The following LRRTM4 variants were observed in gnomAD, a reference collection of about 807,000 sequenced individuals.
LRRTM4 encodes leucine rich repeat transmembrane neuronal 4.
A neutral mutation model predicts 47.6 loss-of-function variants in LRRTM4; 25 were observed. That is an observed-to-expected ratio of 0.53 (90% confidence interval 0.38 to 0.73). The LOEUF (loss-of-function observed/expected upper bound fraction) is 0.73. Among genes scored for constraint, LRRTM4 ranks in the 30% least tolerant of loss-of-function variants. The pLI, the probability that LRRTM4 is intolerant of heterozygous loss-of-function variation, is 0.00. For synonymous variants in LRRTM4, 311 were observed against 269.5 expected, an observed-to-expected ratio of 1.15 and a Z score of -1.51; for missense variants, 638 against 713.4, an observed-to-expected ratio of 0.89 and a Z score of 1.20.
At chr2:76,943,384 G>A (rs891346682) in intron 3 of LRRTM4, among the ~76,000 whole-genome samples, 8 of 152,162 alleles carry the variant, frequency 5.3e-5, no homozygotes, top group Admixed American at 3.3e-4. Flanking sequence ...TGCAGTGGGC[G>A]GAGATCGCAC....
chr2:76,902,925 C>A (rs1247270401), intron 3 of LRRTM4, among the ~76,000 whole-genome samples: 10 of 152,162 alleles, frequency 6.6e-5, no homozygotes, highest in Non-Finnish European at 7.3e-5. Flanking sequence ...GCTCTATTTC[C>A]AGGGACTCTG....
chr2:77,392,796 C>T (rs1673553701), intron 3 of LRRTM4, among the ~76,000 whole-genome samples: 1 of 151,972 alleles, frequency 6.6e-6, no homozygotes, highest in Admixed American at 6.6e-5. Flanking sequence ...AAGAGAACTA[C>T]TGTATATCAT....
intron 3 of LRRTM4, among the ~76,000 whole-genome samples, chr2:77,485,405 C>G (rs555353409): frequency 6.6e-6 from 1 of 151,986 alleles, no homozygotes; most frequent in Non-Finnish European, 1.5e-5. Flanking sequence ...AAATAATCTA[C>G]ATGTAAAGAA....
At chr2:77,074,707 C>T (rs1680275574) in intron 3 of LRRTM4, among the ~76,000 whole-genome samples, 1 of 151,916 alleles carries the variant, frequency 6.6e-6, no homozygotes, top group Non-Finnish European at 1.5e-5. Flanking sequence ...AAATTAGTCC[C>T]AAAACATTAG....
intron 3 of LRRTM4, among the ~76,000 whole-genome samples, chr2:77,375,160 A>AT (rs1672788086): frequency 1.3e-5 from 2 of 151,594 alleles, no homozygotes; most frequent in South Asian, 4.2e-4. Context: ...AGATTTCTGC[A>AT]TTTTCAAATT....
intron 3 of LRRTM4, among the ~76,000 whole-genome samples, chr2:77,023,138 T>C (rs28896632): frequency 6.6e-6 from 1 of 152,212 alleles, no homozygotes; most frequent in African/African-American, 2.4e-5. Flanking sequence ...CTGCCAGGGC[T>C]TGGGGTTTGC....
chr2:77,051,475 C>G (rs1309751255), intron 3 of LRRTM4, among the ~76,000 whole-genome samples: 1 of 152,122 alleles, frequency 6.6e-6, no homozygotes, highest in African/African-American at 2.4e-5. Context: ...GTTTGACTTT[C>G]AGAAGAAAGC....
At chr2:77,174,626 G>T (rs1673141211) in intron 3 of LRRTM4, among the ~76,000 whole-genome samples, 1 of 152,100 alleles carries the variant, frequency 6.6e-6, no homozygotes, top group Non-Finnish European at 1.5e-5. Flanking sequence ...AATAAGGAGG[G>T]AGGCTGCCTG....
chr2:77,207,372 T>TATATATATATATATATATACACACACAC (rs59335400), intron 3 of LRRTM4, among the ~76,000 whole-genome samples: 1 of 131,100 alleles, frequency 7.6e-6, no homozygotes, highest in Non-Finnish European at 1.5e-5. Context: ...TATATATATA[T>TATATATATATATATATATACACACACAC]ACACACACAC....
intron 3 of LRRTM4, among the ~76,000 whole-genome samples, chr2:77,441,341 T>C (rs1227723774): frequency 6.6e-6 from 1 of 152,220 alleles, no homozygotes; most frequent in African/African-American, 2.4e-5. Context: ...GTTGAACAAA[T>C]ATATTGTTAA....
At chr2:76,823,687 C>A (rs568657216) in intron 3 of LRRTM4, among the ~76,000 whole-genome samples, 2 of 151,116 alleles carry the variant, frequency 1.3e-5, no homozygotes, top group Non-Finnish European at 3.0e-5. Flanking sequence ...AGTTCTTCAA[C>A]AACAATAAAC....
chr2:77,284,998 TGAA>T, intron 3 of LRRTM4, among the ~76,000 whole-genome samples: 1 of 152,118 alleles, frequency 6.6e-6, no homozygotes, highest in Admixed American at 6.6e-5. Flanking sequence ...ATTTAGAAGA[TGAA>T]GATTAGAGCA....
intron 3 of LRRTM4, among the ~76,000 whole-genome samples, chr2:77,462,069 A>T (rs1046875712): frequency 6.6e-6 from 1 of 152,090 alleles, no homozygotes; most frequent in Non-Finnish European, 1.5e-5. Context: ...TTAACCTAGC[A>T]GCAGAATTGA....
chr2:76,998,902 C>T (rs533342687), intron 3 of LRRTM4, among the ~76,000 whole-genome samples: 25 of 151,706 alleles, frequency 1.6e-4, no homozygotes, highest in African/African-American at 4.1e-4. Context: ...AATAAATCAA[C>T]GTAATTAAAC....
At chr2:77,512,153 G>A (rs375340490) in intron 3 of LRRTM4, among the ~76,000 whole-genome samples, 17 of 152,146 alleles carry the variant, frequency 1.1e-4, no homozygotes, top group East Asian at 3.9e-4. Context: ...CCATGGTTAC[G>A]TTTGTTTAGA....
Position 76,981,527 on chromosome 2 carries a change from C to T in LRRTM4, c.1552-232611G>A, listed in dbSNP as rs142516366. Among the ~76,000 whole-genome samples the T allele has an allele frequency of 3.6e-4, 55 of 152,156 alleles. 2 individuals are homozygous for T. The East Asian group carries it at 0.01, about 28-fold the overall frequency. ...CTGTTTTGTTTTGGATAGGATCTTG[C>T]TCTGTCGCCTAGACTGAAGTGCAGT... On this transcript the variant is annotated intron_variant, in intron 3 of 3. Coordinates refer to ENST00000409884, the MANE Select transcript of LRRTM4 (RefSeq NM_001134745.3).
chr2:76,880,533 A>C (rs74927443), intron 3 of LRRTM4, among the ~76,000 whole-genome samples: 1,623 of 152,332 alleles, frequency 0.011, 27 homozygotes, highest in African/African-American at 0.036. Context: ...GCAAACAAAA[A>C]AAAATCATGT....
At chr2:77,221,680 A>T (rs1298409606) in intron 3 of LRRTM4, among the ~76,000 whole-genome samples, 1 of 152,042 alleles carries the variant, frequency 6.6e-6, no homozygotes, top group Non-Finnish European at 1.5e-5. Flanking sequence ...TATGCACCCA[A>T]TACAGGAGCA....
chr2:77,476,969 T>A (rs72811256), intron 3 of LRRTM4, among the ~76,000 whole-genome samples: 7,840 of 56,686 alleles, frequency 0.14, 248 homozygotes, highest in Non-Finnish European at 0.22. Context: ...AAGAGATGTG[T>A]GTGTGTGTGT....
Sources: allele counts gnomAD v4.1 joint callset (sites outside exome capture counted in the v4.1 genomes callset), GRCh38; gene constraint gnomAD v4.1.1; transcripts MANE v1.5; gene names NCBI Gene and HGNC (gene_info 2026-07-23, HGNC 2026-07-21).